The following TFPI variants were observed in gnomAD, a reference collection of about 807,000 sequenced individuals.
The protein encoded by TFPI is tissue factor pathway inhibitor.
In TFPI, 15 loss-of-function variants were observed where a neutral mutation model predicts 34.6. That is an observed-to-expected ratio of 0.43 (90% CI 0.29 to 0.67). The LOEUF is 0.67. Among genes scored for constraint, TFPI ranks in the 30% least tolerant of loss-of-function variants. TFPI has a pLI of 0.15. For synonymous variants in TFPI, 105 were observed against 120.1 expected (o/e 0.87, Z 0.82); for missense variants, 301 against 364.0 (o/e 0.83, Z 1.41).
At chr2:187,490,345 TA>T (rs1685035589) in intron 3 of TFPI, among the ~76,000 whole-genome samples, 1 of 151,828 alleles carries the variant, frequency 6.6e-6, no homozygotes, top group East Asian at 1.9e-4. Flanking sequence ...TTGAAGTATG[TA>T]AACTGAACTG....
At chr2:187,469,889 T>C (rs2105950691) in intron 6 of TFPI, among the ~76,000 whole-genome samples, 1 of 152,262 alleles carries the variant, frequency 6.6e-6, no homozygotes. Flanking sequence ...TGATTTGTAC[T>C]ATTGTACACA....
intron 6 of TFPI, among the ~76,000 whole-genome samples, chr2:187,469,546 T>TG (rs1174143021): frequency 6.6e-6 from 1 of 152,126 alleles, no homozygotes; most frequent in Non-Finnish European, 1.5e-5. Context: ...GTAAAATAGT[T>TG]GCTGTAGTGA....
chr2:187,553,300 G>A (rs1689158610), intron 1 of TFPI, among the ~76,000 whole-genome samples: 1 of 151,904 alleles, frequency 6.6e-6, no homozygotes, highest in Non-Finnish European at 1.5e-5. Flanking sequence ...ATTATCTCAT[G>A]TTATACAAAG....
chr2:187,496,237 A>G (rs569111913), intron 3 of TFPI, among the ~76,000 whole-genome samples: 67 of 152,234 alleles, frequency 4.4e-4, no homozygotes, highest in African/African-American at 1.5e-3. Flanking sequence ...TAATAAAAAA[A>G]TCTTAAATTT....
At chr2:187,541,433 A>G (rs1688578343) in intron 1 of TFPI, among the ~76,000 whole-genome samples, 3 of 152,152 alleles carry the variant, frequency 2.0e-5, no homozygotes, top group African/African-American at 7.2e-5. Flanking sequence ...GCCTAAAATA[A>G]AAAAGAACGT....
chr2:187,501,755 G>A lies in TFPI; in HGVS notation c.121+1893C>T, dbSNP rs753572800. 5.2e-4 allele frequency among the ~76,000 whole-genome samples: 79 copies of A among 152,056 alleles called. 2 individuals carry two copies. The highest frequency in any genetic ancestry group is 3.4e-3 in the Middle Eastern group (1 of 294). On this transcript the variant is annotated intron_variant, in intron 2 of 7. Transcript: ENST00000233156. Reference sequence around the variant, plus strand: ...AAAAGATACTTGCCTTTCACTAAATGTTCACTCTTAATTTTCTCTCTCCTA... The same window carrying A: ...AAAAGATACTTGCCTTTCACTAAATATTCACTCTTAATTTTCTCTCTCCTA...
intron 6 of TFPI, among the ~76,000 whole-genome samples, chr2:187,474,178 A>G (rs950734584): frequency 6.6e-6 from 1 of 152,188 alleles, no homozygotes; most frequent in East Asian, 1.9e-4. Context: ...TTTCTTCATG[A>G]CATATATGTA....
chr2:187,536,053 T>C (rs1688233036), intron 1 of TFPI, among the ~76,000 whole-genome samples: 1 of 152,110 alleles, frequency 6.6e-6, no homozygotes, highest in South Asian at 2.1e-4. Flanking sequence ...AACGCCTGAA[T>C]AGACCAATAA....
chr2:187,496,377 G>A (rs1044969826), intron 3 of TFPI, among the ~76,000 whole-genome samples: 5 of 152,110 alleles, frequency 3.3e-5, no homozygotes, highest in Non-Finnish European at 7.4e-5. Flanking sequence ...GAAAGACTAA[G>A]TCAATGTGAC....
At chr2:187,547,351 G>GTACA (rs1688918448) in intron 1 of TFPI, 1 of 152,092 alleles carries the variant, frequency 6.6e-6, no homozygotes, top group African/African-American at 2.4e-5. Context: ...TTATCTGTAA[G>GTACA]TACAATAAAC....
chr2:187,539,897 TTC>T (rs1559156575), intron 1 of TFPI, among the ~76,000 whole-genome samples: 5 of 151,304 alleles, frequency 3.3e-5, no homozygotes. Context: ...TTACGTCATC[TTC>T]TTTTTTTTTT....
At chr2:187,483,183 G>A (rs1693004169) in intron 6 of TFPI, among the ~76,000 whole-genome samples, 2 of 151,896 alleles carry the variant, frequency 1.3e-5, no homozygotes, top group Admixed American at 1.3e-4. Context: ...GTTGTAAAGA[G>A]GAGTAGCTCA....
intron 3 of TFPI, among the ~76,000 whole-genome samples, chr2:187,493,140 G>T (rs567225926): frequency 6.6e-6 from 1 of 152,104 alleles, no homozygotes. Context: ...TTTTATCTGC[G>T]CATCCAGGCA....
rs200555524 is a variant in TFPI at position 187,467,861 on chromosome 2, A to G, written c.700T>C (p.Tyr234His). ...CATTTCCCAATGACTGAATTGTAGT[A>G]GAATCTGTTCTCATTGGCACGACAC... The part of the protein sequence containing the change: ...GLCRANENRF[Y>H]YNSVIGKCRP... Residue 234 changes from tyrosine to histidine, a missense_variant, in exon 7 of 8, where the codon TAC becomes CAC. Physicochemically the swap from Tyr to His is moderately conservative, Grantham distance 83. Coordinates refer to ENST00000233156, the MANE Select transcript of TFPI (RefSeq NM_006287.6). 2 of 1,612,880 alleles carry G rather than the reference A, an allele frequency of 1.2e-6. No homozygotes were observed. Among genetic ancestry groups the G allele is most frequent in the Non-Finnish European group, 1.7e-6 (2 of 1,179,392 alleles).
At chr2:187,503,902 T>G in intron 1 of TFPI, 132 bp from the exon 2 acceptor site, 1 of 908,868 alleles carries the variant, frequency 1.1e-6, no homozygotes. Context: ...CATACATTTC[T>G]CTGTGCATAC....
At chr2:187,515,906 C>T (rs1163704278) in intron 1 of TFPI, 1 of 152,068 alleles carries the variant, frequency 6.6e-6, no homozygotes, top group Non-Finnish European at 1.5e-5. Context: ...TCTAGGCTTC[C>T]CAGTCTGTGC....
Position 187,501,133 on chromosome 2 carries a change from TGCCAGCG to T in TFPI, c.121+2508_121+2514del, listed in dbSNP as rs1346173259. On this transcript the variant is annotated intron_variant, in intron 2 of 7. Coordinates refer to ENST00000233156, the MANE Select transcript of TFPI (RefSeq NM_006287.6). Reference sequence around the variant, plus strand: ...AATGTTTACAGAGGTAATAATTATCTGCCAGCGGCCATGAGAAAGCAAAACACATAGA... The same window carrying T: ...AATGTTTACAGAGGTAATAATTATCTGCCATGAGAAAGCAAAACACATAGA... 1.6e-4 allele frequency among the ~76,000 whole-genome samples: 25 copies of T among 152,184 alleles called. No individual in the cohort carries two copies. In the East Asian group the frequency reaches 4.9e-3, roughly 30 times the overall value.
At chr2:187,551,852 C>G (rs764211563) in intron 1 of TFPI, among the ~76,000 whole-genome samples, 2 of 152,024 alleles carry the variant, frequency 1.3e-5, no homozygotes, top group Admixed American at 6.6e-5. Context: ...AAAAAGGCAG[C>G]CTGCCAAATT....
chr2:187,528,670 A>G (rs1687803133), intron 1 of TFPI, among the ~76,000 whole-genome samples: 1 of 152,094 alleles, frequency 6.6e-6, no homozygotes, highest in South Asian at 2.1e-4. Context: ...CTTTATTATT[A>G]TTGCTTTTCT....
Sources: allele counts gnomAD v4.1 joint callset (sites outside exome capture counted in the v4.1 genomes callset), GRCh38; gene constraint gnomAD v4.1.1; transcripts MANE v1.5; gene names NCBI Gene and HGNC (gene_info 2026-07-23, HGNC 2026-07-21).